MSI2: variants seen among roughly 807,000 people sequenced by gnomAD.
The protein encoded by MSI2 is RNA-binding protein Musashi homolog 2.
MSI2 carries 17 observed loss-of-function variants against 45.6 expected under a neutral mutation model. That is an observed-to-expected ratio of 0.37 (90% CI 0.26 to 0.56). MSI2 has a LOEUF of 0.56. Among genes scored for constraint, MSI2 ranks in the 20% least tolerant of loss-of-function variants. The pLI is 0.77. For missense variants in MSI2, 293 were observed against 444.2 expected (o/e 0.66, Z 3.06); for synonymous variants, 156 against 158.2 (o/e 0.99, Z 0.11).
chr17:57,581,082 T>C (rs1304055775), intron 7 of MSI2, among the ~76,000 whole-genome samples: 5 of 140,574 alleles, frequency 3.6e-5, no homozygotes, highest in African/African-American at 1.3e-4. Flanking sequence ...GCACGATCTC[T>C]GCTCACTGCA....
intron 5 of MSI2, among the ~76,000 whole-genome samples, chr17:57,325,646 G>T (rs1331849146): frequency 1.3e-5 from 2 of 152,270 alleles, no homozygotes; most frequent in South Asian, 2.1e-4. Context: ...TGCTGACCGA[G>T]TTGGTGTTGT....
chr17:57,342,794 G>C (rs759299467), intron 5 of MSI2, among the ~76,000 whole-genome samples: 5 of 152,124 alleles, frequency 3.3e-5, no homozygotes, highest in Non-Finnish European at 5.9e-5. Context: ...GATAGAAGGG[G>C]AAAATGAGTT....
At chr17:57,357,494 T>C (rs1421486024) in intron 5 of MSI2, among the ~76,000 whole-genome samples, 1 of 152,184 alleles carries the variant, frequency 6.6e-6, no homozygotes. Context: ...GCCCCAGACC[T>C]TGTGCTTTCT....
intron 5 of MSI2, among the ~76,000 whole-genome samples, chr17:57,358,459 TA>T: frequency 6.6e-6 from 1 of 152,296 alleles, no homozygotes; most frequent in East Asian, 1.9e-4. Flanking sequence ...TCTTATGGAC[TA>T]ATGGTCATCC....
chr17:57,652,256 C>T lies in MSI2; in HGVS notation c.790+95C>T, dbSNP rs1469226206. ...TCGGATCTGTGTGGCTGCATCTGTC[C>T]AACACCACTCTCACCACAGCCCCGG... On this transcript the variant is annotated intron_variant, in intron 11 of 13. Coordinates refer to ENST00000284073, the MANE Select transcript of MSI2 (RefSeq NM_138962.4). The surrounding 1 kb of genome is among the most constrained non-coding windows in gnomAD (Gnocchi z 4.1). 4.0e-6 allele frequency: 5 copies of T among 1,245,366 alleles called. No homozygotes were observed. Among genetic ancestry groups the T allele is most frequent in the Non-Finnish European group, 4.7e-6 (4 of 858,582 alleles). The allele number at this position is 1,245,366 out of a possible 1,614,324, so 77.1% of individuals were successfully genotyped here. A position where few individuals can be genotyped will look rare whatever the true frequency, so the allele number is the denominator to read the frequency against.
chr17:57,553,692 A>C (rs1361304733), intron 7 of MSI2, among the ~76,000 whole-genome samples: 1 of 152,186 alleles, frequency 6.6e-6, no homozygotes, highest in Non-Finnish European at 1.5e-5. Context: ...CGGGCAGCCC[A>C]GCTCATGTGC....
chr17:57,600,879 C>T (rs977674914), intron 8 of MSI2: 13 of 152,262 alleles, frequency 8.5e-5, no homozygotes, highest in African/African-American at 2.7e-4. Flanking sequence ...TTTTCACTTA[C>T]TCTTTAATCA....
intron 5 of MSI2, among the ~76,000 whole-genome samples, chr17:57,293,753 C>A (rs1260212431): frequency 6.6e-6 from 1 of 151,850 alleles, no homozygotes; most frequent in Non-Finnish European, 1.5e-5. Context: ...GGGTTACAGG[C>A]ATGCGCCACC....
At chr17:57,296,496 G>T (rs1258949345) in intron 5 of MSI2, among the ~76,000 whole-genome samples, 1 of 152,188 alleles carries the variant, frequency 6.6e-6, no homozygotes, top group Non-Finnish European at 1.5e-5. Flanking sequence ...GAGGCCAGAA[G>T]ATCGTGTCAA....
chr17:57,425,994 G>A (rs2084484723), intron 6 of MSI2, among the ~76,000 whole-genome samples: 1 of 152,074 alleles, frequency 6.6e-6, no homozygotes, highest in African/African-American at 2.4e-5. Context: ...GAAGAGTGAG[G>A]AATCTGTTAT....
At chr17:57,687,227 A>AT (rs796194756), downstream of MSI2, among the ~76,000 whole-genome samples, 35 of 151,050 alleles carry the variant, frequency 2.3e-4, no homozygotes, top group Non-Finnish European at 3.5e-4. Flanking sequence ...TTCAGATGGA[A>AT]TTTTTTTTGG....
At chr17:57,298,451 A>G (rs1911168593) in intron 5 of MSI2, among the ~76,000 whole-genome samples, 3 of 152,156 alleles carry the variant, frequency 2.0e-5, no homozygotes, top group African/African-American at 7.2e-5. Context: ...TGCACCTGTA[A>G]TCCCAGCACT....
chr17:57,581,614 C>T (rs71372808), intron 7 of MSI2, among the ~76,000 whole-genome samples: 3,847 of 152,246 alleles, frequency 0.025, 75 homozygotes, highest in Non-Finnish European at 0.04. Flanking sequence ...GTGAGTTTCT[C>T]CCAGACACAG....
chr17:57,310,858 G>A (rs1912338851), intron 5 of MSI2, among the ~76,000 whole-genome samples: 1 of 152,216 alleles, frequency 6.6e-6, no homozygotes, highest in Non-Finnish European at 1.5e-5. Context: ...GAGCGCCTTG[G>A]CATCAGATAG....
intron 7 of MSI2, among the ~76,000 whole-genome samples, chr17:57,575,333 C>A (rs766629800): frequency 9.2e-5 from 14 of 152,212 alleles, no homozygotes; most frequent in African/African-American, 3.4e-4. Context: ...CCTATCTTGT[C>A]GGTGGAAGTG....
intron 5 of MSI2, among the ~76,000 whole-genome samples, chr17:57,337,119 TA>T (rs1914745449): frequency 6.6e-6 from 1 of 152,200 alleles, no homozygotes; most frequent in Admixed American, 6.5e-5. Context: ...TTTTGGCTCT[TA>T]AAATTCTCTT....
chr17:57,335,526 A>C (rs1914632961), intron 5 of MSI2, among the ~76,000 whole-genome samples: 1 of 152,236 alleles, frequency 6.6e-6, no homozygotes, highest in Non-Finnish European at 1.5e-5. Flanking sequence ...TGCAAAGCCA[A>C]GTGTTGATTA....
intron 6 of MSI2, among the ~76,000 whole-genome samples, chr17:57,491,922 A>G (rs1408788891): frequency 6.6e-6 from 1 of 152,136 alleles, no homozygotes; most frequent in African/African-American, 2.4e-5. Flanking sequence ...TCTGAAAGTC[A>G]TTTTGTACTT....
At chr17:57,390,649 G>T (rs1430778529) in intron 5 of MSI2, among the ~76,000 whole-genome samples, 1 of 152,194 alleles carries the variant, frequency 6.6e-6, no homozygotes, top group African/African-American at 2.4e-5. Flanking sequence ...GGGTTTGGGG[G>T]ATGGGGTAAC....
Sources: gnomAD v4.1 joint callset for allele counts (sites outside exome capture counted in the v4.1 genomes callset) on GRCh38, gnomAD v4.1.1 for gene constraint, Gnocchi (gnomAD v3.1) non-coding constraint, MANE v1.5 for transcripts, NCBI Gene and HGNC (gene_info 2026-07-23, HGNC 2026-07-21) for gene names.